The following IBTK variants were observed in gnomAD, a reference collection of about 807,000 sequenced individuals.
The protein encoded by IBTK is BTK-binding protein.
IBTK carries 83 observed loss-of-function variants against 154.9 expected under a neutral mutation model. The ratio of observed to expected loss-of-function variants is 0.54; its 90% CI spans 0.45 to 0.64. The LOEUF (loss-of-function observed/expected upper bound fraction) is 0.64. IBTK is among the 30% of genes least tolerant of loss of function. IBTK has a pLI of 0.00. For missense variants in IBTK, 1,332 were observed against 1,584.6 expected, an observed-to-expected ratio of 0.84 and a Z score of 2.71; for synonymous variants, 515 against 536.1, an observed-to-expected ratio of 0.96 and a Z score of 0.54.
At chr6:82,219,109 A>C (rs1458921912) in intron 9 of IBTK, among the ~76,000 whole-genome samples, 9 of 152,042 alleles carry the variant, frequency 5.9e-5, no homozygotes, top group African/African-American at 1.7e-4. Flanking sequence ...CTGGAGCTCT[A>C]ATTCTTTTTT....
intron 25 of IBTK, among the ~76,000 whole-genome samples, chr6:82,188,639 C>T (rs376571050): frequency 1.3e-5 from 2 of 151,936 alleles, no homozygotes; most frequent in African/African-American, 4.8e-5. Flanking sequence ...AAGGTATCAT[C>T]AACAAACAAA....
In IBTK at chr6:82,173,254, A is replaced by G. The variant is rs959530754; in HGVS notation, c.3797+113T>C. On this transcript the variant is annotated intron_variant, in intron 27 of 28. Coordinates refer to ENST00000306270, the MANE Select transcript of IBTK (RefSeq NM_015525.4). The stretch of plus-strand genomic sequence containing the variant: ...TGACCTCAGATGATCCACCCGCCTC[A>G]GTCTCCCAGAGTGCTGGGATTATAG... 1.4e-5 allele frequency: 9 copies of G among 658,652 alleles called. No individual in the cohort carries two copies. The African/African-American group carries it at 1.6e-4, about 12-fold the overall frequency. 40.8% of individuals were successfully genotyped at this position (658,652 alleles called of 1,614,324 possible). A position where few individuals can be genotyped will look rare whatever the true frequency, so the allele number is the denominator to read the frequency against.
In IBTK at chr6:82,218,003, T is replaced by G; in HGVS notation, c.1383A>C (p.Arg461Ser). ...LFVTQDGEGF[R>S]GRWFEEKRKS... is the part of the protein sequence containing the mutation. Reference sequence around the variant, plus strand: ...TTCTTTTCTCTTCAAACCATCTCCCTCTAAATCCTTCTCCATCTTGCGTAA... The same window carrying G: ...TTCTTTTCTCTTCAAACCATCTCCCGCTAAATCCTTCTCCATCTTGCGTAA... Residue 461 changes from arginine to serine, a missense_variant, in exon 10 of 29, where the codon AGA becomes AGC. Physicochemically the swap from Arg to Ser is moderately radical, Grantham distance 110. Coordinates refer to ENST00000306270, the MANE Select transcript of IBTK (RefSeq NM_015525.4). 6.2e-7 allele frequency: 1 copy of G among 1,610,928 alleles called. No homozygotes were observed. Among genetic ancestry groups the G allele is most frequent in the Non-Finnish European group, 8.5e-7 (1 of 1,178,754 alleles).
intron 9 of IBTK, among the ~76,000 whole-genome samples, chr6:82,219,979 G>A (rs2127818591): frequency 6.6e-6 from 1 of 152,184 alleles, no homozygotes; most frequent in East Asian, 1.9e-4. Context: ...TGGGGCTGAG[G>A]AGGGCAGATC....
At chr6:82,218,736 T>G (rs1222077557) in intron 9 of IBTK, among the ~76,000 whole-genome samples, 1 of 152,170 alleles carries the variant, frequency 6.6e-6, no homozygotes, top group Non-Finnish European at 1.5e-5. Context: ...CAATCCACAG[T>G]AGCAATTGTT....
At chr6:82,203,273 T>C (rs115570773) in intron 17 of IBTK, among the ~76,000 whole-genome samples, 1,800 of 152,206 alleles carry the variant, frequency 0.012, 30 homozygotes, top group African/African-American at 0.039. Flanking sequence ...ACATTATATA[T>C]AAAGTACCCA....
chr6:82,176,575 A>G (rs910325645), intron 26 of IBTK, among the ~76,000 whole-genome samples: 3 of 151,930 alleles, frequency 2.0e-5, no homozygotes, highest in Non-Finnish European at 4.4e-5. Context: ...CCAGAATTAC[A>G]TAAGGGGACA....
In IBTK at chr6:82,216,157, G is replaced by GT; in HGVS notation, c.1519dup (p.Thr507AsnfsTer5). ...GACACTAACAGCTCTATGTGCAAAG[G>GT]TAAGTTTCTCAAGTCGAATTCTTTC... On this transcript the variant is annotated frameshift_variant, in exon 11 of 29. Coordinates refer to ENST00000306270, the MANE Select transcript of IBTK (RefSeq NM_015525.4). LOFTEE classifies it high-confidence loss of function. 6.2e-7 allele frequency: 1 copy of GT among 1,613,344 alleles called. No individual in the cohort carries two copies. Among genetic ancestry groups the GT allele is most frequent in the Non-Finnish European group, 8.5e-7 (1 of 1,179,520 alleles).
Position 82,196,388 on chromosome 6 carries a change from T to C in IBTK, c.3084A>G (p.Ser1028=). 1 of 1,612,698 alleles carries C rather than the reference T, an allele frequency of 6.2e-7. No homozygotes were observed. The highest frequency in any genetic ancestry group is 8.5e-7 in the Non-Finnish European group (1 of 1,179,002). The change falls in exon 22 of 29, where the codon TCA becomes TCG. Residue 1028 remains serine (S), a synonymous_variant. Coordinates refer to ENST00000306270, the MANE Select transcript of IBTK (RefSeq NM_015525.4). The stretch of plus-strand genomic sequence containing the variant: ...CTCCTGCATAGCTTCCTTCAGAGTC[T>C]GATGTCAACAGTTCTGGAAGAGATT... ...SVESLPELLT[S]DSEGSYAGVG...
At chr6:82,190,356 A>G (rs201005347) in intron 25 of IBTK, among the ~76,000 whole-genome samples, 1 of 87,768 alleles carries the variant, frequency 1.1e-5, no homozygotes, top group Non-Finnish European at 2.4e-5. Context: ...TTGTGAGAGA[A>G]AGAGAGTTCT....
Position 82,231,714 on chromosome 6 carries a change from A to T in IBTK, c.543+4T>A, listed in dbSNP as rs747172277. 6.3e-7 allele frequency: 1 copy of T among 1,592,596 alleles called. No individual in the cohort carries two copies. Among genetic ancestry groups the T allele is most frequent in the Non-Finnish European group, 8.5e-7 (1 of 1,171,676 alleles). On this transcript the variant is annotated splice_donor_region_variant and intron_variant, in intron 4 of 28. Coordinates refer to ENST00000306270, the MANE Select transcript of IBTK (RefSeq NM_015525.4). ...AAAGTATATAGATTGTACTTCAAAA[A>T]TACCTGCTTGATATAAATCCCACTC...
intron 25 of IBTK, among the ~76,000 whole-genome samples, chr6:82,186,598 C>G (rs1768564884): frequency 6.6e-6 from 1 of 152,102 alleles, no homozygotes; most frequent in Non-Finnish European, 1.5e-5. Context: ...CTAAGGTAGT[C>G]TGGAACCGAA....
chr6:82,172,374 AT>A lies in IBTK; in HGVS notation c.3930+5del. ...TAAATTAAACCCTACTAAGTATGTTATTTACCTGAATCAGAGCCAACGGTTT... is the reference window on the plus strand; with the variant it reads ...TAAATTAAACCCTACTAAGTATGTTATTACCTGAATCAGAGCCAACGGTTT... On this transcript the variant is annotated splice_donor_5th_base_variant and intron_variant, in intron 28 of 28. Transcript: ENST00000306270. The A allele has an allele frequency of 6.2e-7, 1 of 1,611,582 alleles. No homozygotes were observed. Among genetic ancestry groups the A allele is most frequent in the Non-Finnish European group, 8.5e-7 (1 of 1,179,206 alleles).
chr6:82,240,374 G>A lies in IBTK; in HGVS notation c.113C>T (p.Ser38Phe), dbSNP rs942583374. The A allele has an allele frequency of 2.5e-6, 4 of 1,614,034 alleles. No individual in the cohort carries two copies. Among genetic ancestry groups the A allele is most frequent in the Admixed American group, 3.3e-5 (2 of 59,996 alleles). The change falls in exon 2 of 29, where the codon TCC becomes TTC. Residue 38 changes from serine to phenylalanine, a missense_variant. Coordinates refer to ENST00000306270, the MANE Select transcript of IBTK (RefSeq NM_015525.4). ...AGTTGCAGCATTGTAACAATGACTGGAGAGAAAGGCCTTAATCTGGTTTTC... is the reference window on the plus strand; with the variant it reads ...AGTTGCAGCATTGTAACAATGACTGAAGAGAAAGGCCTTAATCTGGTTTTC... Reference protein sequence around the residue: ...GSENQIKAFLSSHCYNAATIK... With the variant: ...GSENQIKAFLFSHCYNAATIK...
In IBTK at chr6:82,204,528, G is replaced by C. The variant is rs139056461; in HGVS notation, c.2611+329C>G. ...GGTAGCTAAAAACACCTAAAGCCAA[G>C]ATCAGGGCAAGAGTACAAAAATTTC... On this transcript the variant is annotated intron_variant, in intron 17 of 28. Coordinates refer to ENST00000306270, the MANE Select transcript of IBTK (RefSeq NM_015525.4). Among the ~76,000 whole-genome samples the C allele has an allele frequency of 3.1e-3, 473 of 152,266 alleles. 9 individuals are homozygous for C. Among genetic ancestry groups the C allele is most frequent in the Non-Finnish European group, 3.1e-3 (210 of 68,004 alleles).
At chr6:82,224,589 T>G (rs958629949) in intron 6 of IBTK, among the ~76,000 whole-genome samples, 2 of 152,234 alleles carry the variant, frequency 1.3e-5, no homozygotes, top group Admixed American at 6.5e-5. Context: ...GGCTAGATGT[T>G]TTTTTGTCGT....
rs558198705 is a variant in IBTK, at chr6:82,218,114, G to A, written c.1272C>T (p.Asn424=). 6 of 1,576,320 alleles carry A rather than the reference G, an allele frequency of 3.8e-6. No homozygotes were observed. The Admixed American group carries it at 5.7e-5, about 15-fold the overall frequency. The change falls in exon 10 of 29, where the codon AAC becomes AAT. Residue 424 remains asparagine (N), a synonymous_variant. Coordinates refer to ENST00000306270, the MANE Select transcript of IBTK (RefSeq NM_015525.4). ...AGRVFCWRSV[N]SSLKQCRWAY... ...CCCATCGACACTGCTTCAGAGAACT[G>A]TTGACTGATCTCCAGCAAAACACCT... is the stretch of plus-strand genomic sequence containing the variant.
intron 9 of IBTK, among the ~76,000 whole-genome samples, chr6:82,218,831 T>C (rs1341935173): frequency 6.6e-6 from 1 of 152,152 alleles, no homozygotes; most frequent in African/African-American, 2.4e-5. Context: ...AATTCCCTCA[T>C]AATCAAGTTA....
rs114640690 is a variant in IBTK, at chr6:82,182,670, T to A, written c.3576-642A>T. ...GAATTTTGGCAAACCCCAAAAAAGATAAAACAAAGAAAACCATATTTAGGC... is the reference window on the plus strand; with the variant it reads ...GAATTTTGGCAAACCCCAAAAAAGAAAAAACAAAGAAAACCATATTTAGGC... On this transcript the variant is annotated intron_variant, in intron 25 of 28. Transcript: ENST00000306270. Among the ~76,000 whole-genome samples, 1,509 of 151,894 alleles carry A rather than the reference T, an allele frequency of 9.9e-3. 25 individuals carry two copies. The highest frequency in any genetic ancestry group is 0.032 in the African/African-American group (1,316 of 41,434).
Sources: gnomAD v4.1 joint callset for allele counts (sites outside exome capture counted in the v4.1 genomes callset) on GRCh38, gnomAD v4.1.1 for gene constraint, MANE v1.5 for transcripts, NCBI Gene and HGNC (gene_info 2026-07-23, HGNC 2026-07-21) for gene names.